Variants in RSRC1 observed in about 807,000 individuals in gnomAD.
The protein encoded by RSRC1 is arginine and serine rich coiled-coil 1.
A neutral mutation model predicts 49.1 loss-of-function variants in RSRC1; 39 were observed. The observed-to-expected ratio is 0.79, with a 90% CI of 0.61 to 1.04. The LOEUF (loss-of-function observed/expected upper bound fraction) is 1.04, where lower values mean the gene tolerates loss of function less well. Among genes scored for constraint, RSRC1 ranks in the 50% least tolerant of loss-of-function variants. RSRC1 has a pLI of 0.00. For synonymous variants in RSRC1, 143 were observed against 130.8 expected, an observed-to-expected ratio of 1.09 and a Z score of -0.63; for missense variants, 388 against 402.4, an observed-to-expected ratio of 0.96 and a Z score of 0.31.
chr3:158,136,373 A>G lies in RSRC1; in HGVS notation c.320+12382A>G, dbSNP rs1056611016. Among the ~76,000 whole-genome samples, 12 of 152,332 alleles carry G rather than the reference A, an allele frequency of 7.9e-5. No individual in the cohort carries two copies. The East Asian group carries it at 2.3e-3, about 29-fold the overall frequency. On this transcript the variant is annotated intron_variant, in intron 3 of 9. Transcript: ENST00000611884. ...TAAAATAGTTATAATTAAATCCGCT[A>G]AAAGGAACTGAACAATTACATTGAT...
At chr3:158,440,614 A>AC (rs1491436686) in intron 6 of RSRC1, among the ~76,000 whole-genome samples, 4 of 151,984 alleles carry the variant, frequency 2.6e-5, no homozygotes, top group Admixed American at 1.3e-4. Context: ...ACACACACAC[A>AC]AATCCACACC....
chr3:158,434,883 G>A (rs190911426), intron 6 of RSRC1, among the ~76,000 whole-genome samples: 1 of 152,016 alleles, frequency 6.6e-6, no homozygotes, highest in East Asian at 1.9e-4. Flanking sequence ...TGCTCTTCCA[G>A]TTGTAAATAC....
At chr3:158,215,608 T>G (rs955594065) in intron 4 of RSRC1, among the ~76,000 whole-genome samples, 1 of 151,836 alleles carries the variant, frequency 6.6e-6, no homozygotes, top group Non-Finnish European at 1.5e-5. Context: ...CATTTTTTAT[T>G]ACCTCATTTT....
At chr3:158,340,173 G>A (rs926786836) in intron 5 of RSRC1, among the ~76,000 whole-genome samples, 24 of 152,106 alleles carry the variant, frequency 1.6e-4, no homozygotes, top group Admixed American at 1.3e-4. Flanking sequence ...TGCTATTCTC[G>A]TGATAGTGAA....
intron 6 of RSRC1, among the ~76,000 whole-genome samples, chr3:158,389,285 CATT>C (rs1269354490): frequency 6.6e-6 from 1 of 152,074 alleles, no homozygotes; most frequent in Non-Finnish European, 1.5e-5. Context: ...TAGAGTAAAA[CATT>C]ATTATTTCTT....
intron 6 of RSRC1, among the ~76,000 whole-genome samples, chr3:158,445,153 G>T (rs1029968593): frequency 1.3e-5 from 2 of 152,104 alleles, no homozygotes; most frequent in Admixed American, 1.3e-4. Flanking sequence ...CCCATTACTG[G>T]GTGTATACCC....
chr3:158,350,173 T>G (rs1230649583), intron 5 of RSRC1, among the ~76,000 whole-genome samples: 1 of 119,836 alleles, frequency 8.3e-6, no homozygotes, highest in East Asian at 2.4e-4. Flanking sequence ...TATATATATA[T>G]ATATAATTTT....
intron 7 of RSRC1, among the ~76,000 whole-genome samples, chr3:158,482,037 T>C (rs1280106085): frequency 6.6e-6 from 1 of 152,062 alleles, no homozygotes; most frequent in African/African-American, 2.4e-5. Flanking sequence ...AATTTGATTC[T>C]TTTAATCTAG....
chr3:158,447,175 A>G (rs1736767804), intron 6 of RSRC1, among the ~76,000 whole-genome samples: 1 of 152,006 alleles, frequency 6.6e-6, no homozygotes, highest in African/African-American at 2.4e-5. Flanking sequence ...GGAAGTCTGC[A>G]TTTTATCAGA....
chr3:158,150,192 A>C (rs1404354392), intron 3 of RSRC1, among the ~76,000 whole-genome samples: 1 of 152,236 alleles, frequency 6.6e-6, no homozygotes, highest in Non-Finnish European at 1.5e-5. Context: ...AAAGGATATG[A>C]TAGATTAAAG....
chr3:158,280,476 GTA>G (rs1559974305), intron 4 of RSRC1, among the ~76,000 whole-genome samples: 1 of 151,928 alleles, frequency 6.6e-6, no homozygotes, highest in Non-Finnish European at 1.5e-5. Context: ...GTTCATAATT[GTA>G]TCCATAATTC....
chr3:158,439,854 G>A (rs915762640), intron 6 of RSRC1, among the ~76,000 whole-genome samples: 6 of 151,740 alleles, frequency 4.0e-5, no homozygotes, highest in Admixed American at 1.3e-4. Context: ...AGTGTGATAG[G>A]ACTACTGCCA....
At chr3:158,241,546 T>C (rs1436550599) in intron 4 of RSRC1, among the ~76,000 whole-genome samples, 1 of 152,096 alleles carries the variant, frequency 6.6e-6, no homozygotes, top group East Asian at 1.9e-4. Flanking sequence ...CTATTTTTTT[T>C]TTCTAAAATC....
At chr3:158,433,104 T>A (rs975163963) in intron 6 of RSRC1, among the ~76,000 whole-genome samples, 16 of 152,074 alleles carry the variant, frequency 1.1e-4, no homozygotes, top group African/African-American at 3.9e-4. Context: ...TTTCATTCAG[T>A]GTTAAAATTG....
At chr3:158,169,512 A>G (rs932402080) in intron 3 of RSRC1, among the ~76,000 whole-genome samples, 1 of 152,072 alleles carries the variant, frequency 6.6e-6, no homozygotes, top group African/African-American at 2.4e-5. Context: ...AGCTCTTTCT[A>G]CTTTCCAAAT....
At chr3:158,324,733 T>C (rs1728977118) in intron 5 of RSRC1, among the ~76,000 whole-genome samples, 1 of 152,208 alleles carries the variant, frequency 6.6e-6, no homozygotes, top group Non-Finnish European at 1.5e-5. Flanking sequence ...TTTATAATCC[T>C]TTGGGTATAT....
At chr3:158,144,661 T>G (rs189368088) in intron 3 of RSRC1, among the ~76,000 whole-genome samples, 5,719 of 152,248 alleles carry the variant, frequency 0.038, 359 homozygotes, top group African/African-American at 0.13. Flanking sequence ...GTAATGGGAT[T>G]GCTGGGTCAA....
Position 158,276,110 on chromosome 3 carries a change from A to G in RSRC1, c.495-21929A>G. 8.8e-6 allele frequency: 8 copies of G among 909,296 alleles called. No homozygotes were observed. The South Asian group carries it at 1.0e-4, about 12-fold the overall frequency. 56.3% of individuals were successfully genotyped at this position (909,296 alleles called of 1,614,324 possible). On this transcript the variant is annotated intron_variant, in intron 4 of 9. Transcript: ENST00000611884. The stretch of plus-strand genomic sequence containing the variant: ...AGAGCCCCACAGTGGCGTCCAGCTC[A>G]CTCCTCTGCAACGGACTGAAGCTGT...
At chr3:158,222,335 G>A (rs985334609) in intron 4 of RSRC1, among the ~76,000 whole-genome samples, 3 of 151,374 alleles carry the variant, frequency 2.0e-5, no homozygotes, top group South Asian at 2.1e-4. Context: ...GCAACATATT[G>A]TATAACATGG....
Sources: gnomAD v4.1 joint callset for allele counts (sites outside exome capture counted in the v4.1 genomes callset) on GRCh38, gnomAD v4.1.1 for gene constraint, MANE v1.5 for transcripts, NCBI Gene and HGNC (gene_info 2026-07-23, HGNC 2026-07-21) for gene names.